TRPM3: variants seen among roughly 807,000 people sequenced by gnomAD.
TRPM3 encodes the protein transient receptor potential cation channel subfamily M member 3.
A neutral mutation model predicts 181.2 loss-of-function variants in TRPM3; 77 were observed. The observed-to-expected ratio is 0.42, with a 90% CI of 0.35 to 0.51. The LOEUF is 0.51. TRPM3 is among the 20% of genes least tolerant of loss of function. The probability of loss-of-function intolerance (pLI) is 0.01; values close to 1 mark genes in which losing one functional copy is unlikely to be tolerated. For synonymous variants in TRPM3, 745 were observed against 796.4 expected, an observed-to-expected ratio of 0.94 and a Z score of 1.09; for missense variants, 1,759 against 2,196.7, an observed-to-expected ratio of 0.80 and a Z score of 3.98.
chr9:70,831,435 T>C (rs2093893237), intron 5 of TRPM3, among the ~76,000 whole-genome samples: 1 of 151,462 alleles, frequency 6.6e-6, no homozygotes, highest in African/African-American at 2.4e-5. Context: ...GTAAGAACAA[T>C]TTGATGTGTT....
intron 12 of TRPM3, 110 bp downstream of exon 12, chr9:70,635,101 G>A (rs565481264): frequency 1.4e-5 from 12 of 842,600 alleles, no homozygotes; most frequent in African/African-American, 8.4e-5. Flanking sequence ...AATGAGTGGC[G>A]CCTGATAGGG....
chr9:70,768,493 G>T (rs1047726520), intron 7 of TRPM3, among the ~76,000 whole-genome samples: 1 of 149,510 alleles, frequency 6.7e-6, no homozygotes, highest in African/African-American at 2.5e-5. Context: ...ACCAAAAACA[G>T]TTTTTTTTTT....
At chr9:71,442,682 A>G (rs2094150605) in intron 1 of TRPM3, among the ~76,000 whole-genome samples, 1 of 152,210 alleles carries the variant, frequency 6.6e-6, no homozygotes, top group Admixed American at 6.5e-5. Context: ...TGAAATCTAA[A>G]TTATTTTTCT....
Position 71,355,248 on chromosome 9 carries a change from G to GT in TRPM3, c.183+91404dup, listed in dbSNP as rs2091847652. 2.0e-5 allele frequency among the ~76,000 whole-genome samples: 3 copies of GT among 152,250 alleles called. No individual in the cohort carries two copies. In the South Asian group the frequency reaches 6.2e-4, roughly 32 times the overall value. ...GTCAATGTGAGCTTATTTGGAAAAA[G>GT]TTTTTTACAGATATGATCAAGTTAT... is the stretch of plus-strand genomic sequence containing the variant. On this transcript the variant is annotated intron_variant, in intron 1 of 24. Coordinates refer to the TRPM3 transcript ENST00000357533.
At position 70,830,157 on chromosome 9, in the gene TRPM3, A is replaced by G. The variant is rs187581295; in HGVS notation, c.802-2139T>C. On this transcript the variant is annotated intron_variant, in intron 5 of 25. Transcript: ENST00000677713. ...CTGTGTGTAATAGTGAACACCGGGCATTTGTGCTGGCTGAGACGTAAGCCC... is the reference window on the plus strand; with the variant it reads ...CTGTGTGTAATAGTGAACACCGGGCGTTTGTGCTGGCTGAGACGTAAGCCC... Among the ~76,000 whole-genome samples, 10 of 152,306 alleles carry G rather than the reference A, an allele frequency of 6.6e-5. No homozygotes were observed. The East Asian group carries it at 1.9e-3, about 29-fold the overall frequency.
At chr9:71,032,506 TA>T (rs1243965675) in intron 1 of TRPM3, among the ~76,000 whole-genome samples, 1 of 152,084 alleles carries the variant, frequency 6.6e-6, no homozygotes, top group Non-Finnish European at 1.5e-5. Context: ...TCCTTACTAT[TA>T]GTTTTAGCAT....
chr9:71,098,722 T>G (rs1470364472), intron 1 of TRPM3, among the ~76,000 whole-genome samples: 1 of 152,192 alleles, frequency 6.6e-6, no homozygotes, highest in Non-Finnish European at 1.5e-5. Context: ...TGTATGGATA[T>G]AATTGTAGCA....
intron 1 of TRPM3, among the ~76,000 whole-genome samples, chr9:71,054,073 T>C (rs1244948108): frequency 6.6e-6 from 1 of 152,132 alleles, no homozygotes; most frequent in East Asian, 1.9e-4. Flanking sequence ...CCACCATTGA[T>C]ATATGTATGC....
intron 1 of TRPM3, among the ~76,000 whole-genome samples, chr9:71,230,955 A>C (rs960236582): frequency 2.2e-4 from 33 of 152,338 alleles, no homozygotes; most frequent in African/African-American, 6.7e-4. Flanking sequence ...GAAAGCAGAA[A>C]GGAAATATTA....
chr9:71,322,351 GATACCATAA>G (rs1343530745), intron 1 of TRPM3, among the ~76,000 whole-genome samples: 1 of 152,100 alleles, frequency 6.6e-6, no homozygotes, highest in Non-Finnish European at 1.5e-5. Flanking sequence ...TCCAGACGAT[GATACCATAA>G]AATATCGTTA....
chr9:70,641,642 G>T (rs2058077893), intron 9 of TRPM3, among the ~76,000 whole-genome samples: 1 of 152,176 alleles, frequency 6.6e-6, no homozygotes, highest in African/African-American at 2.4e-5. Flanking sequence ...TCCTCAGTCA[G>T]GCTAGCCACA....
chr9:71,365,733 A>G (rs962601126), intron 1 of TRPM3, among the ~76,000 whole-genome samples: 1 of 152,140 alleles, frequency 6.6e-6, no homozygotes, highest in African/African-American at 2.4e-5. Flanking sequence ...CTTCCTACTT[A>G]TGTGGCTTTG....
At chr9:70,764,614 G>A (rs985923052) in intron 7 of TRPM3, among the ~76,000 whole-genome samples, 2 of 152,170 alleles carry the variant, frequency 1.3e-5, no homozygotes, top group Non-Finnish European at 2.9e-5. Context: ...CCCAGTTGCT[G>A]AAGTTGTGGC....
chr9:70,966,704 A>G (rs1245270175), intron 1 of TRPM3, among the ~76,000 whole-genome samples: 2 of 152,084 alleles, frequency 1.3e-5, no homozygotes, highest in African/African-American at 4.8e-5. Context: ...GAACAAATGG[A>G]CATATAGAGG....
chr9:71,091,467 A>G (rs992567363), intron 1 of TRPM3, among the ~76,000 whole-genome samples: 1 of 152,048 alleles, frequency 6.6e-6, no homozygotes, highest in African/African-American at 2.4e-5. Context: ...GGCTGTTTGG[A>G]TTTGCCATGG....
chr9:71,260,908 C>A (rs2083008495), intron 1 of TRPM3, among the ~76,000 whole-genome samples: 1 of 152,138 alleles, frequency 6.6e-6, no homozygotes, highest in Non-Finnish European at 1.5e-5. Flanking sequence ...GTGGGTAACC[C>A]AAGATTTCTC....
upstream of TRPM3, among the ~76,000 whole-genome samples, chr9:71,126,137 A>G (rs534857160): frequency 4.6e-5 from 7 of 152,312 alleles, no homozygotes; most frequent in South Asian, 1.4e-3. Context: ...AACATCACTG[A>G]ATAGTGATAA....
At chr9:71,178,913 C>T (rs976836154) in intron 1 of TRPM3, among the ~76,000 whole-genome samples, 1 of 152,000 alleles carries the variant, frequency 6.6e-6, no homozygotes, top group Non-Finnish European at 1.5e-5. Context: ...TATTTTATTC[C>T]CACAGTGACT....
intron 1 of TRPM3, among the ~76,000 whole-genome samples, chr9:71,400,210 C>T (rs1351041073): frequency 6.6e-6 from 1 of 152,130 alleles, no homozygotes; most frequent in Non-Finnish European, 1.5e-5. Context: ...ATCCACGCAC[C>T]TCAGTCTCCT....
Sources: allele counts gnomAD v4.1 joint callset (sites outside exome capture counted in the v4.1 genomes callset), GRCh38; gene constraint gnomAD v4.1.1; transcripts MANE v1.5; gene names NCBI Gene and HGNC (gene_info 2026-07-23, HGNC 2026-07-21).